PDE4B: variants seen among roughly 807,000 people sequenced by gnomAD.
PDE4B encodes the protein phosphodiesterase 4B, also known as 3',5'-cyclic-AMP phosphodiesterase 4B.
In PDE4B, 20 loss-of-function variants were observed where a neutral mutation model predicts 82.2. The observed-to-expected ratio is 0.24, with a 90% CI of 0.17 to 0.35. The LOEUF is 0.35. Ranked by LOEUF, PDE4B falls within the 10% of genes least tolerant of loss-of-function variation. The pLI, the probability that PDE4B is intolerant of heterozygous loss-of-function variation, is 1.00. For missense variants in PDE4B, 655 were observed against 907.2 expected (o/e 0.72, Z 3.57); for synonymous variants, 320 against 318.9 (o/e 1.00, Z -0.04).
chr1:65,837,630 A>G (rs1380218049), intron 1 of PDE4B, among the ~76,000 whole-genome samples: 1 of 152,144 alleles, frequency 6.6e-6, no homozygotes, highest in Non-Finnish European at 1.5e-5. Flanking sequence ...AAAAAATACT[A>G]TCTACAATTC....
intron 3 of PDE4B, among the ~76,000 whole-genome samples, chr1:66,037,468 TC>T (rs1215112963): frequency 6.6e-6 from 1 of 152,204 alleles, no homozygotes; most frequent in African/African-American, 2.4e-5. Context: ...GATTTATGTA[TC>T]CTGTAACTTT....
At chr1:66,076,761 T>A (rs963676426) in intron 3 of PDE4B, among the ~76,000 whole-genome samples, 1 of 152,182 alleles carries the variant, frequency 6.6e-6, no homozygotes, top group Non-Finnish European at 1.5e-5. Context: ...CTCTGATGAT[T>A]AGTGATGATG....
At chr1:66,083,327 A>G (rs2100967873) in intron 3 of PDE4B, among the ~76,000 whole-genome samples, 1 of 152,016 alleles carries the variant, frequency 6.6e-6, no homozygotes, top group Non-Finnish European at 1.5e-5. Flanking sequence ...CATTTTTTCC[A>G]CTTCTCCTCA....
In PDE4B at chr1:65,800,594, C is replaced by A. The variant is rs566880131; in HGVS notation, c.-71+7346C>A. On this transcript the variant is annotated intron_variant, in intron 1 of 16. Coordinates refer to ENST00000341517, the MANE Select transcript of PDE4B (RefSeq NM_002600.4). ...CCAGCTTATGATAATCTCTAAAGTT[C>A]TTTCCAGCATTATCATTTGGTGAAA... 4.6e-5 allele frequency among the ~76,000 whole-genome samples: 7 copies of A among 152,292 alleles called. No individual in the cohort carries two copies. In the South Asian group the frequency reaches 1.5e-3, roughly 32 times the overall value.
At chr1:66,368,531 T>C (rs1394939998) in intron 15 of PDE4B, among the ~76,000 whole-genome samples, 1 of 152,226 alleles carries the variant, frequency 6.6e-6, no homozygotes, top group South Asian at 2.1e-4. Flanking sequence ...CCTCTAATGT[T>C]CCTTCCAATT....
intron 4 of PDE4B, among the ~76,000 whole-genome samples, chr1:66,256,205 CA>C (rs1654213389): frequency 6.6e-6 from 1 of 151,998 alleles, no homozygotes; most frequent in Admixed American, 6.6e-5. Context: ...ACAACAACAG[CA>C]AAAATGAAGC....
chr1:66,180,376 T>C (rs1219323208), intron 3 of PDE4B, among the ~76,000 whole-genome samples: 1 of 152,176 alleles, frequency 6.6e-6, no homozygotes, highest in Admixed American at 6.5e-5. Flanking sequence ...CATATAGGGT[T>C]TGTTGTGACA....
intron 1 of PDE4B, among the ~76,000 whole-genome samples, chr1:65,886,754 C>T (rs1173258488): frequency 6.6e-6 from 1 of 152,074 alleles, no homozygotes; most frequent in African/African-American, 2.4e-5. Flanking sequence ...TGTACGTATA[C>T]CACATTTTCT....
At chr1:65,924,144 G>C (rs1455293072) in intron 3 of PDE4B, among the ~76,000 whole-genome samples, 1 of 114,352 alleles carries the variant, frequency 8.7e-6, no homozygotes, top group Non-Finnish European at 1.8e-5. Flanking sequence ...GCGGGATCTC[G>C]GCTCACTGCA....
intron 3 of PDE4B, among the ~76,000 whole-genome samples, chr1:66,002,325 CTT>C (rs1478024604): frequency 6.6e-6 from 1 of 151,996 alleles, no homozygotes; most frequent in Non-Finnish European, 1.5e-5. Context: ...TATCAATAAA[CTT>C]TGCAAATATT....
chr1:65,985,931 G>C (rs1196168410), intron 3 of PDE4B, among the ~76,000 whole-genome samples: 4 of 152,036 alleles, frequency 2.6e-5, no homozygotes, highest in African/African-American at 9.7e-5. Context: ...CACTGCGGCA[G>C]GAATGTGAAT....
intron 3 of PDE4B, among the ~76,000 whole-genome samples, chr1:65,920,043 C>A (rs2100481550): frequency 6.6e-6 from 1 of 152,282 alleles, no homozygotes; most frequent in South Asian, 2.1e-4. Context: ...CATAGCCAAT[C>A]ATGGAGAATT....
At chr1:65,996,274 T>A (rs1651536985) in intron 3 of PDE4B, among the ~76,000 whole-genome samples, 1 of 152,052 alleles carries the variant, frequency 6.6e-6, no homozygotes, top group South Asian at 2.1e-4. Flanking sequence ...GTATACAATC[T>A]TACTACTTTA....
intron 8 of PDE4B, among the ~76,000 whole-genome samples, chr1:66,342,485 G>A (rs773715183): frequency 2.9e-4 from 44 of 151,120 alleles, no homozygotes; most frequent in Non-Finnish European, 3.4e-4. Flanking sequence ...CAAGGTGGGC[G>A]GATTACTTGA....
intron 8 of PDE4B, among the ~76,000 whole-genome samples, chr1:66,342,953 G>A (rs1661115195): frequency 6.6e-6 from 1 of 152,076 alleles, no homozygotes; most frequent in Admixed American, 6.5e-5. Context: ...GCTGAGGCAT[G>A]AGAATCGCTT....
chr1:66,351,003 G>T (rs912111473), intron 8 of PDE4B, among the ~76,000 whole-genome samples: 7 of 152,092 alleles, frequency 4.6e-5, no homozygotes, highest in Non-Finnish European at 1.0e-4. Flanking sequence ...TTATAGAAAA[G>T]GTATATTCTA....
rs575896544 is a variant in PDE4B at position 65,918,719 on chromosome 1, G to A, written c.165G>A (p.Leu55=). The change falls in exon 3 of 17, where the codon CTG becomes CTA. Residue 55 remains leucine, a synonymous_variant. Coordinates refer to ENST00000341517, the MANE Select transcript of PDE4B (RefSeq NM_002600.4). ...CAGGAAACTTACAGTTACCACCACT[G>A]TCTCAAAGACAGAGTGAAAGGGCAA... is the stretch of plus-strand genomic sequence containing the variant. ...CCSGNLQLPP[L]SQRQSERART... is the part of the protein sequence containing the mutation. 2 of 1,613,658 alleles carry A rather than the reference G, an allele frequency of 1.2e-6. No individual in the cohort carries two copies. The highest frequency in any genetic ancestry group is 1.7e-5 in the Admixed American group (1 of 60,016).
intron 3 of PDE4B, among the ~76,000 whole-genome samples, chr1:66,051,813 A>G (rs1655043625): frequency 6.6e-6 from 1 of 152,134 alleles, no homozygotes; most frequent in Non-Finnish European, 1.5e-5. Flanking sequence ...TTACTTATAG[A>G]TTATTATCAC....
intron 1 of PDE4B, among the ~76,000 whole-genome samples, chr1:65,850,242 G>A (rs1347439193): frequency 4.0e-5 from 6 of 150,904 alleles, no homozygotes; most frequent in African/African-American, 7.3e-5. Flanking sequence ...GATTACAGGC[G>A]CCTGCCACCA....
Sources: allele counts gnomAD v4.1 joint callset (sites outside exome capture counted in the v4.1 genomes callset), GRCh38; gene constraint gnomAD v4.1.1; transcripts MANE v1.5; gene names NCBI Gene and HGNC (gene_info 2026-07-23, HGNC 2026-07-21).